ZNF407: variants seen among roughly 807,000 people sequenced by gnomAD.
ZNF407 encodes zinc finger protein 407.
In ZNF407, 17 loss-of-function variants were observed where a neutral mutation model predicts 131.2. The ratio of observed to expected loss-of-function variants is 0.13; its 90% confidence interval spans 0.09 to 0.19. ZNF407 has a LOEUF of 0.19. Among genes scored for constraint, ZNF407 ranks in the 10% least tolerant of loss-of-function variants. The pLI, the probability that ZNF407 is intolerant of heterozygous loss-of-function variation, is 1.00. For missense variants in ZNF407, 2,681 were observed against 2,830.6 expected (o/e 0.95, Z 1.20); for synonymous variants, 1,156 against 1,062.0 (o/e 1.09, Z -1.72).
chr18:74,722,979 T>C (rs1219107553), intron 3 of ZNF407, among the ~76,000 whole-genome samples: 1 of 152,170 alleles, frequency 6.6e-6, no homozygotes. Context: ...ATTTCTTAGG[T>C]ACCCGAGCTT....
intron 3 of ZNF407, among the ~76,000 whole-genome samples, chr18:74,641,626 AT>A (rs1033886095): frequency 3.3e-5 from 5 of 152,146 alleles, no homozygotes; most frequent in Non-Finnish European, 5.9e-5. Context: ...GTTGTTATGC[AT>A]TTTTGTGTAA....
chr18:74,811,096 A>C (rs925471330), intron 4 of ZNF407, among the ~76,000 whole-genome samples: 22 of 152,246 alleles, frequency 1.4e-4, no homozygotes, highest in Non-Finnish European at 2.6e-4. Context: ...CAACCTACAA[A>C]ATGGGAGAAA....
chr18:74,980,954 C>A (rs564070748), intron 8 of ZNF407, among the ~76,000 whole-genome samples: 1 of 152,164 alleles, frequency 6.6e-6, no homozygotes, highest in Non-Finnish European at 1.5e-5. Context: ...GGCCTCTGGG[C>A]ATTTGTGATT....
chr18:74,864,563 A>T (rs1019040183), intron 4 of ZNF407, among the ~76,000 whole-genome samples: 1 of 152,210 alleles, frequency 6.6e-6, no homozygotes, highest in Non-Finnish European at 1.5e-5. Flanking sequence ...AAATTTAATT[A>T]TGTAAAATTA....
At chr18:74,624,507 T>G (rs528975539) in intron 1 of ZNF407, among the ~76,000 whole-genome samples, 1 of 152,346 alleles carries the variant, frequency 6.6e-6, no homozygotes, top group Non-Finnish European at 1.5e-5. Context: ...TTACTTAAAC[T>G]CTTACACTGA....
At chr18:74,670,894 G>A (rs929464758) in intron 3 of ZNF407, among the ~76,000 whole-genome samples, 7 of 152,138 alleles carry the variant, frequency 4.6e-5, no homozygotes, top group African/African-American at 1.7e-4. Context: ...TCAGACTCCT[G>A]GGCTTAAGCA....
At chr18:74,832,885 T>G (rs1482863007) in intron 4 of ZNF407, among the ~76,000 whole-genome samples, 3 of 152,248 alleles carry the variant, frequency 2.0e-5, no homozygotes, top group Non-Finnish European at 4.4e-5. Context: ...TTTTTATTTT[T>G]ATTTCTATTG....
intron 3 of ZNF407, among the ~76,000 whole-genome samples, chr18:74,668,714 T>C (rs902570953): frequency 1.3e-5 from 2 of 152,226 alleles, no homozygotes; most frequent in Admixed American, 6.5e-5. Flanking sequence ...CATGCATGAA[T>C]ATTGGATCTT....
rs181145184 is a variant in ZNF407, at chr18:75,058,617, G to A, written c.5429-4533G>A. Among the ~76,000 whole-genome samples, 37 of 152,292 alleles carry A rather than the reference G, an allele frequency of 2.4e-4. 1 individual carries two copies. The highest frequency in any genetic ancestry group is 1.4e-3 in the Admixed American group (22 of 15,300). On this transcript the variant is annotated intron_variant, in intron 8 of 8. Coordinates refer to ENST00000299687, the MANE Select transcript of ZNF407 (RefSeq NM_017757.3). ...TCCATGCCCCATTAAGGCTTTGTGC[G>A]ATTTTGGACACATAACAGTGACTAA...
At chr18:74,777,155 G>A (rs1467385948) in intron 3 of ZNF407, among the ~76,000 whole-genome samples, 1 of 152,094 alleles carries the variant, frequency 6.6e-6, no homozygotes, top group Non-Finnish European at 1.5e-5. Flanking sequence ...AAGGACTGAA[G>A]AAATAGGTCT....
chr18:74,714,883 T>C (rs530493325), intron 3 of ZNF407, among the ~76,000 whole-genome samples: 2 of 152,078 alleles, frequency 1.3e-5, no homozygotes, highest in Admixed American at 1.3e-4. Context: ...TGGTAAATTT[T>C]TTTTGCTTTT....
chr18:74,844,363 C>G (rs571945576), intron 4 of ZNF407, among the ~76,000 whole-genome samples: 2 of 152,310 alleles, frequency 1.3e-5, no homozygotes, highest in South Asian at 4.1e-4. Flanking sequence ...AATCCAGCTT[C>G]CCTCAGGACT....
At chr18:74,986,901 TTA>T (rs1972659347) in intron 8 of ZNF407, among the ~76,000 whole-genome samples, 2 of 152,238 alleles carry the variant, frequency 1.3e-5, no homozygotes, top group African/African-American at 4.8e-5. Flanking sequence ...TTAAAATGTA[TTA>T]TGTTTATCTT....
Position 75,033,514 on chromosome 18 carries a change from A to G in ZNF407, c.5429-29636A>G, listed in dbSNP as rs192286222. On this transcript the variant is annotated intron_variant, in intron 8 of 8. Transcript: ENST00000299687. Reference sequence around the variant, plus strand: ...GTAACCTAGTGGAAAACAAATAGACACTCCGTCCCTTGTGGGGATTCAGAG... The same window carrying G: ...GTAACCTAGTGGAAAACAAATAGACGCTCCGTCCCTTGTGGGGATTCAGAG... Among the ~76,000 whole-genome samples the G allele has an allele frequency of 3.5e-3, 537 of 152,256 alleles. 3 individuals carry two copies. Among genetic ancestry groups the G allele is most frequent in the Middle Eastern group, 6.8e-3 (2 of 294 alleles).
intron 4 of ZNF407, among the ~76,000 whole-genome samples, chr18:74,806,259 A>G (rs1340108792): frequency 6.6e-6 from 1 of 152,146 alleles, no homozygotes; most frequent in Non-Finnish European, 1.5e-5. Flanking sequence ...TAGTATGGCT[A>G]ATGTTGATTG....
intron 8 of ZNF407, among the ~76,000 whole-genome samples, chr18:75,018,284 C>T (rs905476797): frequency 4.0e-5 from 6 of 151,364 alleles, no homozygotes; most frequent in African/African-American, 1.5e-4. Context: ...ACCCAAGCAC[C>T]TATAAATATT....
chr18:74,757,198 C>T (rs1474344386), intron 3 of ZNF407, among the ~76,000 whole-genome samples: 1 of 151,594 alleles, frequency 6.6e-6, no homozygotes, highest in Non-Finnish European at 1.5e-5. Flanking sequence ...ATCTTTTATT[C>T]GTTTATTTTA....
chr18:74,916,552 AGTGT>A (rs372779801), intron 7 of ZNF407, among the ~76,000 whole-genome samples: 11 of 57,362 alleles, frequency 1.9e-4, no homozygotes, highest in South Asian at 1.5e-3. Flanking sequence ...TCGAATCGGG[AGTGT>A]GTGTGTGTGT....
At chr18:74,605,089 T>C (rs1746840972) in intron 1 of ZNF407, among the ~76,000 whole-genome samples, 1 of 152,234 alleles carries the variant, frequency 6.6e-6, no homozygotes, top group Admixed American at 6.5e-5. Flanking sequence ...ACCTTTTCAC[T>C]CACCGTTTGC....
Sources: allele counts gnomAD v4.1 joint callset (sites outside exome capture counted in the v4.1 genomes callset), GRCh38; gene constraint gnomAD v4.1.1; transcripts MANE v1.5; gene names NCBI Gene and HGNC (gene_info 2026-07-23, HGNC 2026-07-21).